The following FAM83B variants were observed in gnomAD, a reference collection of about 807,000 sequenced individuals.
FAM83B encodes scaffolding CK1 anchoring protein B, also known as protein FAM83B.
In FAM83B, 26 loss-of-function variants were observed where a neutral mutation model predicts 38.8. That is an observed-to-expected ratio of 0.67 (90% CI 0.49 to 0.93). The LOEUF (loss-of-function observed/expected upper bound fraction) is 0.93. Ranked by LOEUF, FAM83B falls within the 40% of genes least tolerant of loss-of-function variation. The pLI, the probability that FAM83B is intolerant of heterozygous loss-of-function variation, is 0.00. For missense variants in FAM83B, 1,237 were observed against 1,197.3 expected, an observed-to-expected ratio of 1.03 and a Z score of -0.49; for synonymous variants, 419 against 423.1, an observed-to-expected ratio of 0.99 and a Z score of 0.12.
chr6:54,931,166 T>C lies in FAM83B; in HGVS notation c.734+3534T>C, dbSNP rs528450890. On this transcript the variant is annotated intron_variant, in intron 4 of 4. Coordinates refer to ENST00000306858, the MANE Select transcript of FAM83B (RefSeq NM_001010872.3). ...GTTCTGTTGCAAGTAAGATACTTTG[T>C]GTGATTTAAATCTTCTTTAATTTGT... Among the ~76,000 whole-genome samples, 65 of 152,334 alleles carry C rather than the reference T, an allele frequency of 4.3e-4. No individual in the cohort carries two copies. In the South Asian group the frequency reaches 8.5e-3, roughly 20 times the overall value.
At chr6:54,922,726 G>A (rs1194978846) in intron 2 of FAM83B, among the ~76,000 whole-genome samples, 3 of 151,962 alleles carry the variant, frequency 2.0e-5, no homozygotes, top group Non-Finnish European at 2.9e-5. Flanking sequence ...TTCGAGCATG[G>A]TCCAGTATTT....
intron 4 of FAM83B, among the ~76,000 whole-genome samples, chr6:54,933,337 T>C (rs1737780162): frequency 1.3e-5 from 2 of 152,064 alleles, no homozygotes; most frequent in South Asian, 2.1e-4. Context: ...TCTCATTCCA[T>C]TGGTATGTCA....
intron 1 of FAM83B, among the ~76,000 whole-genome samples, chr6:54,855,019 G>A (rs1269406311): frequency 6.6e-6 from 1 of 152,096 alleles, no homozygotes; most frequent in African/African-American, 2.4e-5. Context: ...TGCTTTAATT[G>A]TATCCAAATT....
At position 54,927,514 on chromosome 6, in the gene FAM83B, C is replaced by T. The variant is rs1440039087; in HGVS notation, c.616C>T (p.Arg206Ter). The change falls in exon 4 of 5, where the codon CGA becomes TGA. Residue 206 changes from arginine (R) to a stop codon, truncating the protein, a stop_gained. Transcript: ENST00000306858. LOFTEE classifies it high-confidence loss of function. ...GCSVQRLRNI[R>*]VRTVKGQDYL... ...TATTTACATATAATTCTAGAATATT[C>T]GAGTGCGAACAGTAAAAGGCCAAGA... 10 of 1,591,164 alleles carry T rather than the reference C, an allele frequency of 6.3e-6. No individual in the cohort carries two copies. Among genetic ancestry groups the T allele is most frequent in the African/African-American group, 4.0e-5 (3 of 74,358 alleles).
At chr6:54,898,229 C>T (rs749494579) in intron 2 of FAM83B, among the ~76,000 whole-genome samples, 8 of 151,990 alleles carry the variant, frequency 5.3e-5, no homozygotes, top group Non-Finnish European at 8.8e-5. Context: ...TGGAACCTGC[C>T]CATTGCTATT....
intron 2 of FAM83B, among the ~76,000 whole-genome samples, chr6:54,919,471 T>C (rs1261368869): frequency 6.6e-6 from 1 of 152,108 alleles, no homozygotes; most frequent in African/African-American, 2.4e-5. Context: ...ACATTTCCAA[T>C]TGACTTTTAT....
At chr6:54,932,655 G>A (rs1259478113) in intron 4 of FAM83B, among the ~76,000 whole-genome samples, 1 of 133,542 alleles carries the variant, frequency 7.5e-6, no homozygotes, top group Non-Finnish European at 1.5e-5. Flanking sequence ...GTGTAGAGTA[G>A]ATCTCCTAGT....
At chr6:54,880,318 A>G (rs1471191462) in intron 2 of FAM83B, among the ~76,000 whole-genome samples, 1 of 152,232 alleles carries the variant, frequency 6.6e-6, no homozygotes, top group Non-Finnish European at 1.5e-5. Flanking sequence ...TTTAAGTATC[A>G]GGATTATAGA....
intron 2 of FAM83B, among the ~76,000 whole-genome samples, chr6:54,895,957 C>G (rs1387111106): frequency 6.6e-6 from 1 of 152,136 alleles, no homozygotes; most frequent in Non-Finnish European, 1.5e-5. Flanking sequence ...ATTATCTCAG[C>G]TCACTGTAAC....
chr6:54,930,442 G>C (rs1773395038), intron 4 of FAM83B, among the ~76,000 whole-genome samples: 1 of 152,028 alleles, frequency 6.6e-6, no homozygotes, highest in African/African-American at 2.4e-5. Flanking sequence ...ATATTTCTAA[G>C]TGATTTGATC....
At position 54,941,764 on chromosome 6, in the gene FAM83B, G is replaced by A. The variant is rs1183797479; in HGVS notation, c.2793G>A (p.Arg931=). The change falls in exon 5 of 5, where the codon CGG becomes CGA. Residue 931 remains arginine (R), a synonymous_variant. Transcript: ENST00000306858. ...TTCTACGATCTCATTCAACTGATCG[G>A]CGTGTTTACAGTCGTTTTGAGCCGT... The part of the protein sequence containing the change: ...SELLRSHSTD[R]RVYSRFEPFC... 2 of 1,614,030 alleles carry A rather than the reference G, an allele frequency of 1.2e-6. No homozygotes were observed. The highest frequency in any genetic ancestry group is 1.7e-6 in the Non-Finnish European group (2 of 1,179,992).
chr6:54,941,282 G>C lies in FAM83B; in HGVS notation c.2311G>C (p.Gly771Arg). The change falls in exon 5 of 5, where the codon GGG becomes CGG. Residue 771 changes from glycine (G) to arginine (R), a missense_variant. Coordinates refer to ENST00000306858, the MANE Select transcript of FAM83B (RefSeq NM_001010872.3). ...GGGTTCCCCAAGTTTTTTGAAAAAG[G>C]GGTCTCAGAAGTTAAGGTCATTACT... ...VKGSPSFLKKGSQKLRSLLSL... is the reference protein window; with the variant it reads ...VKGSPSFLKKRSQKLRSLLSL... The C allele has an allele frequency of 6.2e-7, 1 of 1,610,280 alleles. No individual in the cohort carries two copies.
chr6:54,903,572 T>C (rs1312079832), intron 2 of FAM83B, among the ~76,000 whole-genome samples: 1 of 152,226 alleles, frequency 6.6e-6, no homozygotes, highest in African/African-American at 2.4e-5. Flanking sequence ...TATATGTTTC[T>C]TGGCCACTTA....
At chr6:54,933,042 T>C (rs1773457258) in intron 4 of FAM83B, among the ~76,000 whole-genome samples, 1 of 152,178 alleles carries the variant, frequency 6.6e-6, no homozygotes. Context: ...ATAAGTTATC[T>C]GCTTCTTTGC....
chr6:54,929,891 A>C (rs1005484387), intron 4 of FAM83B, among the ~76,000 whole-genome samples: 1 of 152,058 alleles, frequency 6.6e-6, no homozygotes, highest in Non-Finnish European at 1.5e-5. Context: ...AAATATGTGC[A>C]GTACAAAACA....
Position 54,870,363 on chromosome 6 carries a change from G to T in FAM83B, c.117G>T (p.Gly39=). ...RVAIDILIEH[G]LEAYQEFLVQ... ...CCATTGATATTCTGATTGAACACGG[G>T]TTAGAAGCATACCAAGAATTTCTTG... The change falls in exon 2 of 5, where the codon GGG becomes GGT. Residue 39 remains glycine, a synonymous_variant. Coordinates refer to ENST00000306858, the MANE Select transcript of FAM83B (RefSeq NM_001010872.3). 1 of 1,614,014 alleles carries T rather than the reference G, an allele frequency of 6.2e-7. No individual in the cohort carries two copies. The highest frequency in any genetic ancestry group is 8.5e-7 in the Non-Finnish European group (1 of 1,179,956).
chr6:54,936,967 G>T (rs1484485029), intron 4 of FAM83B, among the ~76,000 whole-genome samples: 1 of 145,602 alleles, frequency 6.9e-6, no homozygotes, highest in African/African-American at 2.6e-5. Context: ...AGGCATACTA[G>T]ATAAAATTAA....
At position 54,942,315 on chromosome 6, in the gene FAM83B, T is replaced by C. The variant is rs1313710149; in HGVS notation, c.*308T>C. 6.6e-6 allele frequency among the ~76,000 whole-genome samples: 1 copy of C among 152,194 alleles called. No individual in the cohort carries two copies. Among genetic ancestry groups the C allele is most frequent in the Non-Finnish European group, 1.5e-5 (1 of 68,030 alleles). On this transcript the variant is annotated 3_prime_UTR_variant, in exon 5 of 5. Transcript: ENST00000306858. ...ATTTTTGTGGACGATGTATGGTGTA[T>C]GGTGTATGGTGTATGGATTTTAACC...
chr6:54,902,967 A>G (rs1772696762), intron 2 of FAM83B, among the ~76,000 whole-genome samples: 1 of 152,228 alleles, frequency 6.6e-6, no homozygotes, highest in Non-Finnish European at 1.5e-5. Context: ...GTACATTTTG[A>G]TAACTAGAAA....
Sources: allele counts gnomAD v4.1 joint callset (sites outside exome capture counted in the v4.1 genomes callset), GRCh38; gene constraint gnomAD v4.1.1; transcripts MANE v1.5; gene names NCBI Gene and HGNC (gene_info 2026-07-23, HGNC 2026-07-21).